Variants in INPP5D observed in about 807,000 individuals in gnomAD.
INPP5D encodes the protein phosphatidylinositol 3,4,5-trisphosphate 5-phosphatase 1.
A neutral mutation model predicts 122.9 loss-of-function variants in INPP5D; 33 were observed. The ratio of observed to expected loss-of-function variants is 0.27; its 90% CI spans 0.20 to 0.36. The LOEUF is 0.36. Ranked by LOEUF, INPP5D falls within the 10% of genes least tolerant of loss-of-function variation. INPP5D has a pLI of 1.00. For synonymous variants in INPP5D, 584 were observed against 576.2 expected, an observed-to-expected ratio of 1.01 and a Z score of -0.19; for missense variants, 1,053 against 1,412.7, an observed-to-expected ratio of 0.75 and a Z score of 4.08.
chr2:233,157,528 G>A (rs144804244), intron 9 of INPP5D, among the ~76,000 whole-genome samples: 3,231 of 152,248 alleles, frequency 0.021, 114 homozygotes, highest in African/African-American at 0.074. Context: ...ATAGCATTTT[G>A]ATAATCAGAA....
At chr2:233,154,413 T>C (rs1375939183) in intron 9 of INPP5D, among the ~76,000 whole-genome samples, 2 of 152,134 alleles carry the variant, frequency 1.3e-5, no homozygotes, top group African/African-American at 4.8e-5. Context: ...CCTCCCAAAG[T>C]GCTGGTGTTC....
Position 233,100,121 on chromosome 2 carries a change from A to T in INPP5D, c.198+20723A>T, listed in dbSNP as rs187032629. On this transcript the variant is annotated intron_variant, in intron 2 of 26. Coordinates refer to ENST00000445964, the MANE Select transcript of INPP5D (RefSeq NM_001017915.3). This position sits in a 1 kb window ranked among gnomAD's most constrained non-coding sequence, Gnocchi z 5.3. ...TTCAAGATGAGATTTGGGTGGGGAC[A>T]CAGTCAAACCATATCAGAGTGGAAG... 6.6e-6 allele frequency among the ~76,000 whole-genome samples: 1 copy of T among 152,346 alleles called. No individual in the cohort carries two copies. The highest frequency in any genetic ancestry group is 1.9e-4 in the East Asian group (1 of 5,186).
intron 22 of INPP5D, among the ~76,000 whole-genome samples, chr2:233,191,289 C>T (rs1402405203): frequency 6.6e-6 from 1 of 152,180 alleles, no homozygotes; most frequent in African/African-American, 2.4e-5. Context: ...CACTCACCAT[C>T]ACCATCACTA....
chr2:233,146,494 G>T, intron 8 of INPP5D, 56 bp downstream of exon 8: 1 of 702,432 alleles, frequency 1.4e-6, no homozygotes, highest in South Asian at 1.5e-5. Context: ...TGGGCAGAGA[G>T]ACATGTTCTT....
chr2:233,169,830 C>G (rs1197610786), intron 14 of INPP5D, 196 bp from the exon 15 acceptor site: 2 of 1,013,740 alleles, frequency 2.0e-6, no homozygotes, highest in Non-Finnish European at 2.9e-6. Context: ...AATGTGGCCT[C>G]AAATGCCCTT....
At chr2:233,134,059 GT>G (rs1693404289) in intron 5 of INPP5D, 1 of 455,854 alleles carries the variant, frequency 2.2e-6, no homozygotes, top group Admixed American at 2.4e-5. Context: ...TGGATGTGGG[GT>G]GAAGGGAAGA....
At chr2:233,174,625 C>G (rs968255889) in intron 17 of INPP5D, among the ~76,000 whole-genome samples, 1 of 151,950 alleles carries the variant, frequency 6.6e-6, no homozygotes, top group African/African-American at 2.4e-5. Context: ...AACCCCATCT[C>G]TACTGAAAAT....
intron 10 of INPP5D, among the ~76,000 whole-genome samples, chr2:233,161,053 C>T (rs1694186019): frequency 6.6e-6 from 1 of 152,102 alleles, no homozygotes; most frequent in Non-Finnish European, 1.5e-5. Context: ...CTGGATCACA[C>T]TTGTTAAACA....
intron 2 of INPP5D, among the ~76,000 whole-genome samples, chr2:233,118,847 T>C (rs979010600): frequency 7.9e-5 from 12 of 152,244 alleles, no homozygotes; most frequent in African/African-American, 2.9e-4. Context: ...TCCATGAGGC[T>C]TGGCTTCTAC....
chr2:233,122,831 A>G (rs186686406), intron 3 of INPP5D, among the ~76,000 whole-genome samples: 164 of 152,276 alleles, frequency 1.1e-3, no homozygotes, highest in African/African-American at 3.5e-3. Context: ...AGAGAGAGAA[A>G]GAGACAGTAA....
intron 2 of INPP5D, among the ~76,000 whole-genome samples, chr2:233,090,478 C>T (rs947295148): frequency 1.6e-4 from 25 of 152,072 alleles, no homozygotes; most frequent in African/African-American, 5.8e-4. Context: ...TCATGACTGG[C>T]AGGAAAAAGG....
intron 18 of INPP5D, among the ~76,000 whole-genome samples, chr2:233,182,104 G>C (rs916330426): frequency 6.6e-6 from 1 of 152,082 alleles, no homozygotes; most frequent in South Asian, 2.1e-4. Flanking sequence ...TCAAAAATAA[G>C]TAAATAAATA....
At chr2:233,157,913 A>C (rs1394886132) in intron 9 of INPP5D, among the ~76,000 whole-genome samples, 1 of 152,154 alleles carries the variant, frequency 6.6e-6, no homozygotes, top group Non-Finnish European at 1.5e-5. Flanking sequence ...TGTTGATGAC[A>C]GTAAAATGTA....
rs1373740899 is a variant in INPP5D at position 233,067,834 on chromosome 2, A to G, written c.134+7222A>G. Among the ~76,000 whole-genome samples, 3 of 152,236 alleles carry G rather than the reference A, an allele frequency of 2.0e-5. No homozygotes were observed. In the East Asian group the frequency reaches 5.8e-4, roughly 29 times the overall value. Reference sequence around the variant, plus strand: ...TAATGGCCATTTGTATTTGGAGAAAAGTCAATTCAGATCCTTTGTACATTT... The same window carrying G: ...TAATGGCCATTTGTATTTGGAGAAAGGTCAATTCAGATCCTTTGTACATTT... On this transcript the variant is annotated intron_variant, in intron 1 of 26. Coordinates refer to ENST00000445964, the MANE Select transcript of INPP5D (RefSeq NM_001017915.3).
intron 22 of INPP5D, among the ~76,000 whole-genome samples, chr2:233,193,430 C>A (rs933706495): frequency 6.6e-6 from 1 of 152,148 alleles, no homozygotes; most frequent in Non-Finnish European, 1.5e-5. Flanking sequence ...GTTCCCAATC[C>A]GTTTCCTTTT....
At chr2:233,190,697 G>A (rs1162445417) in intron 22 of INPP5D, among the ~76,000 whole-genome samples, 1 of 152,254 alleles carries the variant, frequency 6.6e-6, no homozygotes, top group African/African-American at 2.4e-5. Flanking sequence ...CCAGCCCAAA[G>A]TCAGGCTCAC....
chr2:233,196,501 C>T (rs1695188957), intron 24 of INPP5D, among the ~76,000 whole-genome samples: 1 of 152,166 alleles, frequency 6.6e-6, no homozygotes, highest in African/African-American at 2.4e-5. Context: ...GCTGTGTCTC[C>T]TGTGGGACAG....
rs918746185 is a variant in INPP5D at position 233,132,883 on chromosome 2, G to T, written c.665+2235G>T. Reference sequence around the variant, plus strand: ...GTAGACTAAGGATCCAGATGAACAAGAATTTTTTTTTTTTTTTTTTTTTGA... The same window carrying T: ...GTAGACTAAGGATCCAGATGAACAATAATTTTTTTTTTTTTTTTTTTTTGA... On this transcript the variant is annotated intron_variant, in intron 5 of 26. Transcript: ENST00000445964. 5.0e-4 allele frequency among the ~76,000 whole-genome samples: 57 copies of T among 114,864 alleles called. No individual in the cohort carries two copies. The East Asian group carries it at 0.01, about 21-fold the overall frequency. The allele number at this position is 114,864 out of a possible 152,430, so 75.4% of individuals were successfully genotyped here. A position where few individuals can be genotyped will look rare whatever the true frequency, so the allele number is the denominator to read the frequency against.
chr2:233,115,268 G>C (rs111711895), intron 2 of INPP5D, among the ~76,000 whole-genome samples: 4 of 152,188 alleles, frequency 2.6e-5, no homozygotes, highest in African/African-American at 9.7e-5. Flanking sequence ...CTTGTGGGGG[G>C]TTCCTAGCAC....
Sources: gnomAD v4.1 joint callset for allele counts (sites outside exome capture counted in the v4.1 genomes callset) on GRCh38, gnomAD v4.1.1 for gene constraint, Gnocchi (gnomAD v3.1) non-coding constraint, MANE v1.5 for transcripts, NCBI Gene and HGNC (gene_info 2026-07-23, HGNC 2026-07-21) for gene names.